Variants in NAV3 observed in about 807,000 individuals in gnomAD.
NAV3 encodes pore membrane and/or filament interacting like protein 1.
Under a neutral mutation model 244.7 loss-of-function variants are expected in NAV3, and 87 were observed. The ratio of observed to expected loss-of-function variants is 0.36; its 90% confidence interval spans 0.30 to 0.42. The LOEUF (loss-of-function observed/expected upper bound fraction) is 0.42, where lower values mean the gene tolerates loss of function less well. Among genes scored for constraint, NAV3 ranks in the 20% least tolerant of loss-of-function variants. The pLI is 1.00. For synonymous variants in NAV3, 1,126 were observed against 1,042.2 expected, an observed-to-expected ratio of 1.08 and a Z score of -1.55; for missense variants, 2,663 against 2,893.3, an observed-to-expected ratio of 0.92 and a Z score of 1.83.
chr12:78,038,590 A>G (rs913108906), intron 9 of NAV3, among the ~76,000 whole-genome samples: 3 of 152,206 alleles, frequency 2.0e-5, no homozygotes, highest in African/African-American at 4.8e-5. Flanking sequence ...AGTTGTCAGA[A>G]TAGTGATTTC....
chr12:77,634,830 A>G (rs1193499144), intron 2 of NAV3, among the ~76,000 whole-genome samples: 1 of 152,188 alleles, frequency 6.6e-6, no homozygotes, highest in South Asian at 2.1e-4. Flanking sequence ...TCTAAAAGGA[A>G]AACAATGAGA....
intron 2 of NAV3, among the ~76,000 whole-genome samples, chr12:77,809,534 G>A (rs1471196371): frequency 6.6e-6 from 1 of 152,166 alleles, no homozygotes; most frequent in Non-Finnish European, 1.5e-5. Context: ...AGATGAGTCA[G>A]GTACCTCAGT....
intron 5 of NAV3, among the ~76,000 whole-genome samples, chr12:77,990,377 T>A (rs1593212809): frequency 6.6e-6 from 1 of 152,194 alleles, no homozygotes. Context: ...GAATTAGCAA[T>A]GAGTAAGAAA....
At chr12:77,649,852 T>C (rs1872751035) in intron 2 of NAV3, among the ~76,000 whole-genome samples, 1 of 152,176 alleles carries the variant, frequency 6.6e-6, no homozygotes, top group Non-Finnish European at 1.5e-5. Context: ...TACTTTGCAA[T>C]AGTTTTATTT....
At chr12:77,732,863 G>A (rs2137351193) in intron 2 of NAV3, among the ~76,000 whole-genome samples, 1 of 152,152 alleles carries the variant, frequency 6.6e-6, no homozygotes, top group East Asian at 1.9e-4. Flanking sequence ...CAGAGGAATT[G>A]AGAGTAGCTA....
chr12:77,706,086 A>G (rs1197478657), intron 2 of NAV3, among the ~76,000 whole-genome samples: 1 of 151,244 alleles, frequency 6.6e-6, no homozygotes, highest in Admixed American at 6.6e-5. Flanking sequence ...AAGTTATTAA[A>G]CAAACTCTAA....
intron 2 of NAV3, among the ~76,000 whole-genome samples, chr12:77,602,282 A>G (rs945551327): frequency 6.6e-6 from 1 of 152,044 alleles, no homozygotes; most frequent in Non-Finnish European, 1.5e-5. Context: ...GCAAATGAAT[A>G]TCAAGGTAGC....
At chr12:78,061,823 A>T (rs530480897) in intron 12 of NAV3, among the ~76,000 whole-genome samples, 33 of 152,252 alleles carry the variant, frequency 2.2e-4, no homozygotes, top group Admixed American at 1.6e-3. Context: ...ACTAAAAAAA[A>T]AATTACTGTA....
intron 12 of NAV3, among the ~76,000 whole-genome samples, chr12:78,084,660 A>G (rs956309479): frequency 6.6e-6 from 1 of 151,956 alleles, no homozygotes; most frequent in Non-Finnish European, 1.5e-5. Flanking sequence ...TTACCTTGCT[A>G]TCATCAATTT....
intron 5 of NAV3, among the ~76,000 whole-genome samples, chr12:77,985,754 A>G (rs908212431): frequency 1.3e-5 from 2 of 151,992 alleles, no homozygotes; most frequent in Non-Finnish European, 2.9e-5. Flanking sequence ...TGTGTCCACT[A>G]TTTTAACTTA....
At chr12:78,208,966 T>C (rs1346382156) in intron 39 of NAV3, among the ~76,000 whole-genome samples, 1 of 151,764 alleles carries the variant, frequency 6.6e-6, no homozygotes, top group Non-Finnish European at 1.5e-5. Flanking sequence ...GGGGTGTGGG[T>C]GACAGAGAAA....
At chr12:77,676,207 G>A (rs140316309) in intron 2 of NAV3, among the ~76,000 whole-genome samples, 224 of 151,974 alleles carry the variant, frequency 1.5e-3, no homozygotes, top group African/African-American at 5.1e-3. Flanking sequence ...TTTAAGCTCC[G>A]CATGCTTTGG....
intron 2 of NAV3, among the ~76,000 whole-genome samples, chr12:77,724,283 A>AT (rs1876777043): frequency 6.6e-6 from 1 of 151,890 alleles, no homozygotes; most frequent in Middle Eastern, 3.4e-3. Context: ...CTTTTTCTGT[A>AT]TTTTTTTCTG....
rs539952920 is a variant in NAV3 at position 78,011,071 on chromosome 12, C to A, written c.1907+3626C>A. On this transcript the variant is annotated intron_variant, in intron 8 of 39. Coordinates refer to ENST00000397909, the MANE Select transcript of NAV3 (RefSeq NM_001024383.2). ...TTTGCTGTTATTCTTATTCATTTAT[C>A]AAATAGATATAACTAAGACAAAATG... Among the ~76,000 whole-genome samples, 4 of 152,090 alleles carry A rather than the reference C, an allele frequency of 2.6e-5. No individual in the cohort carries two copies. In the South Asian group the frequency reaches 8.3e-4, roughly 32 times the overall value.
intron 31 of NAV3, 126 bp downstream of exon 31, chr12:78,185,824 C>T: frequency 1.4e-6 from 1 of 726,482 alleles, no homozygotes; most frequent in Non-Finnish European, 2.2e-6. Context: ...ATTAGCTTAA[C>T]ATGTCATACA....
intron 2 of NAV3, among the ~76,000 whole-genome samples, chr12:77,597,836 A>C (rs1039875541): frequency 6.6e-6 from 1 of 152,124 alleles, no homozygotes; most frequent in African/African-American, 2.4e-5. Flanking sequence ...ACCTGTAGCA[A>C]GATACTACTT....
At chr12:77,761,926 G>A (rs1470799390) in intron 2 of NAV3, among the ~76,000 whole-genome samples, 1 of 152,036 alleles carries the variant, frequency 6.6e-6, no homozygotes, top group Non-Finnish European at 1.5e-5. Context: ...CCCATTGCTG[G>A]GTATATACCC....
At chr12:78,087,704 T>C (rs898293774) in intron 12 of NAV3, among the ~76,000 whole-genome samples, 7 of 152,042 alleles carry the variant, frequency 4.6e-5, no homozygotes, top group African/African-American at 1.7e-4. Context: ...TTTTCTTCTT[T>C]TGAAATTTTT....
At chr12:77,720,486 T>G (rs1876567582) in intron 2 of NAV3, among the ~76,000 whole-genome samples, 1 of 152,104 alleles carries the variant, frequency 6.6e-6, no homozygotes, top group African/African-American at 2.4e-5. Flanking sequence ...TTTGAAGTAC[T>G]ACAGGTTCTC....
Sources: allele counts gnomAD v4.1 joint callset (sites outside exome capture counted in the v4.1 genomes callset), GRCh38; gene constraint gnomAD v4.1.1; transcripts MANE v1.5; gene names NCBI Gene and HGNC (gene_info 2026-07-23, HGNC 2026-07-21).